Variants in CHRNA1 observed in about 807,000 individuals in gnomAD.
CHRNA1 encodes the protein cholinergic receptor nicotinic alpha 1 subunit.
CHRNA1 carries 35 observed loss-of-function variants against 47.1 expected under a neutral mutation model. The ratio of observed to expected loss-of-function variants is 0.74; its 90% confidence interval spans 0.57 to 0.99. The LOEUF (loss-of-function observed/expected upper bound fraction) is 0.99, where lower values mean the gene tolerates loss of function less well. Among genes scored for constraint, CHRNA1 ranks in the 50% least tolerant of loss-of-function variants. The pLI, the probability that CHRNA1 is intolerant of heterozygous loss-of-function variation, is 0.00. For missense variants in CHRNA1, 506 were observed against 591.1 expected (o/e 0.86, Z 1.49); for synonymous variants, 229 against 223.6 (o/e 1.02, Z -0.22).
At chr2:174,749,661 T>C (rs1438028374) in intron 7 of CHRNA1, among the ~76,000 whole-genome samples, 2 of 152,228 alleles carry the variant, frequency 1.3e-5, no homozygotes, top group Admixed American at 6.5e-5. Flanking sequence ...GGCATTTCAA[T>C]AAAAAGCAGC....
At chr2:174,748,378 G>T in intron 8 of CHRNA1, 123 bp from the exon 9 acceptor site, 1 of 1,444,202 alleles carries the variant, frequency 6.9e-7, no homozygotes, top group Non-Finnish European at 9.4e-7. Flanking sequence ...CCATCCCTTG[G>T]CTGGCATCGT....
chr2:174,763,746 C>T (rs1444210059), intron 1 of CHRNA1, among the ~76,000 whole-genome samples: 1 of 148,834 alleles, frequency 6.7e-6, no homozygotes, highest in Non-Finnish European at 1.5e-5. Context: ...ATAGTAACAT[C>T]TTAAAAAAAA....
At chr2:174,752,692 C>T (rs554811797) in intron 6 of CHRNA1, 1 of 152,092 alleles carries the variant, frequency 6.6e-6, no homozygotes, top group Non-Finnish European at 1.5e-5. Flanking sequence ...AACAAATATT[C>T]ACTGAATGAG....
chr2:174,759,345 C>G lies in CHRNA1; in HGVS notation c.220G>C (p.Val74Leu). Residue 74 changes from valine (V) to leucine (L), a missense_variant, in exon 3 of 9, where the codon GTG (valine) becomes CTG (leucine). Coordinates refer to ENST00000348749, the MANE Select transcript of CHRNA1 (RefSeq NM_000079.4). Reference protein sequence around the residue: ...DEVNQIVTTNVRLKQQWVDYN... With the variant: ...DEVNQIVTTNLRLKQQWVDYN... ...GGCTAAGTTACCTGTTTCAGACGCA[C>G]ATTGGTTGTCACGATCTGATTTACT... 6.2e-7 allele frequency: 1 copy of G among 1,614,040 alleles called. No individual in the cohort carries two copies. Among genetic ancestry groups the G allele is most frequent in the Non-Finnish European group, 8.5e-7 (1 of 1,180,014 alleles).
chr2:174,748,430 T>C, intron 8 of CHRNA1, 150 bp downstream of exon 8: 2 of 1,349,566 alleles, frequency 1.5e-6, no homozygotes, highest in South Asian at 1.4e-5. Flanking sequence ...GATAACTTAC[T>C]AAGGTGGTCT....
At chr2:174,757,432 A>G in intron 4 of CHRNA1, 134 bp downstream of exon 4, 1 of 684,032 alleles carries the variant, frequency 1.5e-6, no homozygotes, top group Non-Finnish European at 2.6e-6. Flanking sequence ...CTGAGTTTAC[A>G]GGTGTGAGCC....
chr2:174,748,879 C>T (rs1683791226), intron 7 of CHRNA1, 60 bp from the exon 8 acceptor site: 3 of 1,598,720 alleles, frequency 1.9e-6, no homozygotes, highest in African/African-American at 2.7e-5. Context: ...GCATAAAACT[C>T]TGTCTTTGAA....
chr2:174,754,522 T>A, intron 4 of CHRNA1, 108 bp from the exon 5 acceptor site: 1 of 942,576 alleles, frequency 1.1e-6, no homozygotes, highest in Non-Finnish European at 1.7e-6. Flanking sequence ...GTGCTAATTA[T>A]AGAAGCTCTG....
At chr2:174,757,441 C>T (rs367964802) in intron 4 of CHRNA1, 125 bp downstream of exon 4, 4 of 677,144 alleles carry the variant, frequency 5.9e-6, no homozygotes. Context: ...CAGGTGTGAG[C>T]CACCATCCTG....
intron 4 of CHRNA1, among the ~76,000 whole-genome samples, chr2:174,754,882 C>CTCTT (rs768984247): frequency 1.2e-4 from 15 of 120,398 alleles, no homozygotes; most frequent in African/African-American, 4.9e-4. Context: ...GCCTACTACT[C>CTCTT]TTTTTTTTTT....
chr2:174,751,833 C>A (rs1475759684), intron 6 of CHRNA1, among the ~76,000 whole-genome samples: 1 of 151,920 alleles, frequency 6.6e-6, no homozygotes, highest in Non-Finnish European at 1.5e-5. Context: ...CACGTGCCAC[C>A]ACACCTGGCT....
In CHRNA1 at chr2:174,758,366, G is replaced by A. The variant is rs529969349; in HGVS notation, c.235-691C>T. Reference sequence around the variant, plus strand: ...AGAGGTTGCAGTGAGCCGAGATCGCGCCATTGCACTCCAGCCTGGGCGACA... The same window carrying A: ...AGAGGTTGCAGTGAGCCGAGATCGCACCATTGCACTCCAGCCTGGGCGACA... On this transcript the variant is annotated intron_variant, in intron 3 of 8. Transcript: ENST00000348749. Among the ~76,000 whole-genome samples the A allele has an allele frequency of 2.0e-5, 3 of 152,182 alleles. No individual in the cohort carries two copies. In the South Asian group the frequency reaches 6.2e-4, roughly 32 times the overall value.
chr2:174,763,063 A>G (rs2105354333), intron 1 of CHRNA1, among the ~76,000 whole-genome samples: 2 of 152,312 alleles, frequency 1.3e-5, no homozygotes, highest in Middle Eastern at 6.8e-3. Flanking sequence ...GGTCAGCTTT[A>G]GTTTCCTTGT....
At position 174,748,810 on chromosome 2, in the gene CHRNA1, C is replaced by T; in HGVS notation, c.1012G>A (p.Asp338Asn). 1 of 1,613,806 alleles carries T rather than the reference C, an allele frequency of 6.2e-7. No homozygotes were observed. Among genetic ancestry groups the T allele is most frequent in the Non-Finnish European group, 8.5e-7 (1 of 1,179,978 alleles). Residue 338 changes from aspartate (D) to asparagine (N), a missense_variant, in exon 8 of 9, where the codon GAC (aspartate) becomes AAC (asparagine). Physicochemically the swap from Asp to Asn is conservative, Grantham distance 23 (BLOSUM62 1). Coordinates refer to ENST00000348749, the MANE Select transcript of CHRNA1 (RefSeq NM_000079.4). ...AAAAACATGATATTTGGGATAGTGTCGATAAAAACCTAACATAAAAAAGAA... is the reference window on the plus strand; with the variant it reads ...AAAAACATGATATTTGGGATAGTGTTGATAAAAACCTAACATAAAAAAGAA... ...MPNWVRKVFI[D>N]TIPNIMFFST...
intron 1 of CHRNA1, among the ~76,000 whole-genome samples, chr2:174,759,961 A>ACACACACACACG (rs1684071310): frequency 7.1e-6 from 1 of 140,098 alleles, no homozygotes; most frequent in Non-Finnish European, 1.5e-5. Flanking sequence ...CACACACACG[A>ACACACACACACG]AAAAAAAGCC....
At chr2:174,748,478 G>T in intron 8 of CHRNA1, 102 bp downstream of exon 8, 1 of 1,493,966 alleles carries the variant, frequency 6.7e-7, no homozygotes. Flanking sequence ...GTCAGTAGCT[G>T]CCTGTTGTAT....
chr2:174,758,171 G>A, intron 3 of CHRNA1: 1 of 1,094,914 alleles, frequency 9.1e-7, no homozygotes, highest in Non-Finnish European at 1.3e-6. Flanking sequence ...CACTTTGGGA[G>A]GCTGAGGTGG....
chr2:174,755,108 T>C (rs1683954321), intron 4 of CHRNA1, among the ~76,000 whole-genome samples: 1 of 152,084 alleles, frequency 6.6e-6, no homozygotes, highest in Admixed American at 6.5e-5. Flanking sequence ...TGGCCCTGAA[T>C]TCCTGACCTC....
chr2:174,764,422 G>A lies in CHRNA1; in HGVS notation c.-28C>T, dbSNP rs1419673378. The A allele has an allele frequency of 1.9e-6, 3 of 1,608,616 alleles. No individual in the cohort carries two copies. The Admixed American group carries it at 5.0e-5, about 27-fold the overall frequency. ...GCTACCGGAGCTTGTGTGGACCAGG[G>A]CAGAGTGGTGGCCTGTGCTTCTCAC... On this transcript the variant is annotated 5_prime_UTR_variant, in exon 1 of 9. Coordinates refer to ENST00000348749, the MANE Select transcript of CHRNA1 (RefSeq NM_000079.4).
Sources: allele counts gnomAD v4.1 joint callset (sites outside exome capture counted in the v4.1 genomes callset), GRCh38; gene constraint gnomAD v4.1.1; transcripts MANE v1.5; gene names NCBI Gene and HGNC (gene_info 2026-07-23, HGNC 2026-07-21).